Variants in SETBP1 observed in about 807,000 individuals in gnomAD.
The protein encoded by SETBP1 is SET binding protein 1, also known as SET-binding protein.
In SETBP1, 9 loss-of-function variants were observed where a neutral mutation model predicts 101.0. The ratio of observed to expected loss-of-function variants is 0.09; its 90% confidence interval spans 0.05 to 0.16. SETBP1 has a LOEUF of 0.16. Among genes scored for constraint, SETBP1 ranks in the 10% least tolerant of loss-of-function variants. The pLI is 1.00. For synonymous variants in SETBP1, 818 were observed against 788.5 expected (o/e 1.04, Z -0.63); for missense variants, 1,858 against 2,033.8 (o/e 0.91, Z 1.66).
At chr18:44,827,768 A>G (rs2072268096) in intron 2 of SETBP1, among the ~76,000 whole-genome samples, 1 of 152,214 alleles carries the variant, frequency 6.6e-6, no homozygotes, top group African/African-American at 2.4e-5. Flanking sequence ...GTCTCTGAAA[A>G]TGGCACAGGT....
intron 4 of SETBP1, among the ~76,000 whole-genome samples, chr18:45,013,437 T>C (rs1374459300): frequency 6.6e-6 from 1 of 151,566 alleles, no homozygotes. Flanking sequence ...TTTCTTTCTT[T>C]TTTTTTGTTT....
chr18:44,930,347 T>A (rs955976468), intron 3 of SETBP1, among the ~76,000 whole-genome samples: 6 of 152,140 alleles, frequency 3.9e-5, no homozygotes, highest in Non-Finnish European at 7.4e-5. Context: ...CCAGTATTTT[T>A]TTGAGGATTT....
chr18:44,843,901 C>A (rs1421821107), intron 2 of SETBP1, among the ~76,000 whole-genome samples: 1 of 152,184 alleles, frequency 6.6e-6, no homozygotes, highest in Non-Finnish European at 1.5e-5. Flanking sequence ...AGTGTCCTCC[C>A]AACAGACAGA....
chr18:44,832,147 G>A (rs2072385716), intron 2 of SETBP1, among the ~76,000 whole-genome samples: 1 of 152,066 alleles, frequency 6.6e-6, no homozygotes, highest in African/African-American at 2.4e-5. Flanking sequence ...TATGATTTTT[G>A]ACTGTCAGGC....
chr18:44,985,013 C>T (rs1448359085), intron 4 of SETBP1, among the ~76,000 whole-genome samples: 3 of 152,026 alleles, frequency 2.0e-5, no homozygotes, highest in African/African-American at 4.8e-5. Context: ...TGGTGGCGTG[C>T]GCCTATAATC....
intron 2 of SETBP1, among the ~76,000 whole-genome samples, chr18:44,825,277 G>A (rs911623882): frequency 1.3e-5 from 2 of 152,208 alleles, no homozygotes; most frequent in Admixed American, 1.3e-4. Context: ...GAGCTACCTG[G>A]CTCCTTCAAG....
intron 2 of SETBP1, among the ~76,000 whole-genome samples, chr18:44,735,297 A>G (rs1009375581): frequency 1.3e-5 from 2 of 152,176 alleles, no homozygotes; most frequent in African/African-American, 2.4e-5. Context: ...TTCTTTTTTC[A>G]GTTGCTGGCA....
chr18:44,954,247 A>G (rs1192145608), intron 4 of SETBP1, among the ~76,000 whole-genome samples: 1 of 150,120 alleles, frequency 6.7e-6, no homozygotes, highest in Admixed American at 6.7e-5. Context: ...CTTACATCAT[A>G]TATGATAAGA....
At chr18:44,856,453 C>T (rs576654079) in intron 2 of SETBP1, among the ~76,000 whole-genome samples, 1 of 152,296 alleles carries the variant, frequency 6.6e-6, no homozygotes, top group South Asian at 2.1e-4. Context: ...TCCAGCCCTT[C>T]CTGTTTTTCA....
At chr18:44,751,564 A>T (rs2070380152) in intron 2 of SETBP1, among the ~76,000 whole-genome samples, 1 of 146,358 alleles carries the variant, frequency 6.8e-6, no homozygotes, top group African/African-American at 2.5e-5. Flanking sequence ...TTGTTATTTG[A>T]TTTATCCTTT....
intron 3 of SETBP1, among the ~76,000 whole-genome samples, chr18:44,912,928 G>C (rs1011858027): frequency 6.6e-6 from 1 of 152,134 alleles, no homozygotes; most frequent in Admixed American, 6.5e-5. Flanking sequence ...GTGCTCTTGA[G>C]GTCTGGCTCT....
chr18:44,974,134 C>T (rs1254892348), intron 4 of SETBP1, among the ~76,000 whole-genome samples: 1 of 152,164 alleles, frequency 6.6e-6, no homozygotes, highest in Non-Finnish European at 1.5e-5. Context: ...ATTATTTGAT[C>T]ACATTGTTAT....
intron 3 of SETBP1, among the ~76,000 whole-genome samples, chr18:44,936,822 C>T (rs534735104): frequency 2.0e-5 from 3 of 152,166 alleles, no homozygotes; most frequent in Non-Finnish European, 2.9e-5. Context: ...TCTATGACTG[C>T]ATATTGTCAG....
intron 4 of SETBP1, among the ~76,000 whole-genome samples, chr18:45,016,351 A>G (rs961344621): frequency 1.3e-5 from 2 of 152,160 alleles, no homozygotes; most frequent in African/African-American, 4.8e-5. Context: ...AGCAGAGCCC[A>G]TGCCCTAAAG....
intron 3 of SETBP1, among the ~76,000 whole-genome samples, chr18:44,937,454 CAAAAAAAA>C (rs34414710): frequency 1.2e-5 from 1 of 83,392 alleles, no homozygotes; most frequent in Admixed American, 1.4e-4. Context: ...GACTCCGTCT[CAAAAAAAA>C]AAAAAAAAAA....
At chr18:44,759,531 A>G (rs563170090) in intron 2 of SETBP1, among the ~76,000 whole-genome samples, 1 of 152,292 alleles carries the variant, frequency 6.6e-6, no homozygotes, top group South Asian at 2.1e-4. Flanking sequence ...ATTTAAAGTT[A>G]GTTTCACCTT....
chr18:45,027,741 T>A (rs972456094), intron 4 of SETBP1, among the ~76,000 whole-genome samples: 10 of 152,222 alleles, frequency 6.6e-5, no homozygotes, highest in Admixed American at 5.9e-4. Flanking sequence ...TTTCTCTTGC[T>A]GCCATAACAA....
chr18:44,752,556 A>T (rs534822024), intron 2 of SETBP1, among the ~76,000 whole-genome samples: 108 of 152,340 alleles, frequency 7.1e-4, no homozygotes, highest in African/African-American at 2.6e-3. Flanking sequence ...CTGATTATCA[A>T]TTGCTGTCTC....
intron 2 of SETBP1, among the ~76,000 whole-genome samples, chr18:44,716,503 G>A (rs764850888): frequency 6.6e-6 from 1 of 152,068 alleles, no homozygotes; most frequent in African/African-American, 2.4e-5. Context: ...GGCTCTTTAT[G>A]TTTTCTTATT....
Sources: allele counts gnomAD v4.1 joint callset (sites outside exome capture counted in the v4.1 genomes callset), GRCh38; gene constraint gnomAD v4.1.1; transcripts MANE v1.5; gene names NCBI Gene and HGNC (gene_info 2026-07-23, HGNC 2026-07-21).